The following GRID2 variants were observed in gnomAD, a reference collection of about 807,000 sequenced individuals.
GRID2 encodes glutamate receptor ionotropic, delta-2.
GRID2 carries 33 observed loss-of-function variants against 114.8 expected under a neutral mutation model. That is an observed-to-expected ratio of 0.29 (90% CI 0.22 to 0.38). The LOEUF (loss-of-function observed/expected upper bound fraction) is 0.38, where lower values mean the gene tolerates loss of function less well. GRID2 is among the 10% of genes least tolerant of loss of function. The probability of loss-of-function intolerance (pLI) is 1.00; values close to 1 mark genes in which losing one functional copy is unlikely to be tolerated. For synonymous variants in GRID2, 505 were observed against 449.9 expected (o/e 1.12, Z -1.55); for missense variants, 1,184 against 1,257.7 (o/e 0.94, Z 0.89).
intron 12 of GRID2, among the ~76,000 whole-genome samples, chr4:93,507,893 A>G (rs1489636970): frequency 1.3e-5 from 2 of 152,188 alleles, no homozygotes; most frequent in African/African-American, 2.4e-5. Flanking sequence ...TGGAGGTTCA[A>G]TGAAGCTTGC....
At chr4:93,677,117 G>A (rs1394455627) in intron 14 of GRID2, among the ~76,000 whole-genome samples, 1 of 152,200 alleles carries the variant, frequency 6.6e-6, no homozygotes, top group Non-Finnish European at 1.5e-5. Flanking sequence ...TGGCCCACCA[G>A]GAGATTATAT....
Position 93,154,862 on chromosome 4 carries a change from CCTT to C in GRID2, c.735+43915_735+43917del, listed in dbSNP as rs142032075. On this transcript the variant is annotated intron_variant, in intron 4 of 15. Transcript: ENST00000282020. ...TATTCCTTAGGAACCCATTCTCTGT[CCTT>C]CTTCTCTCACTTTATAATTATCTGT... 8.1e-3 allele frequency among the ~76,000 whole-genome samples: 1,225 copies of C among 152,050 alleles called. 3 individuals are homozygous for C. The highest frequency in any genetic ancestry group is 0.013 in the Non-Finnish European group (871 of 67,936).
chr4:92,770,410 G>GTTA (rs1418610210), intron 2 of GRID2, among the ~76,000 whole-genome samples: 2 of 152,056 alleles, frequency 1.3e-5, no homozygotes, highest in East Asian at 3.9e-4. Context: ...ACCTCTGCCT[G>GTTA]TTACCCAATT....
chr4:93,295,829 A>G (rs1425182631), intron 8 of GRID2, among the ~76,000 whole-genome samples: 1 of 152,218 alleles, frequency 6.6e-6, no homozygotes, highest in African/African-American at 2.4e-5. Flanking sequence ...CCTAGTTGAT[A>G]CATAAAACTG....
At chr4:92,369,829 A>G (rs889691979) in intron 1 of GRID2, among the ~76,000 whole-genome samples, 4 of 152,186 alleles carry the variant, frequency 2.6e-5, no homozygotes, top group Non-Finnish European at 5.9e-5. Context: ...AAATAACTAA[A>G]CAAAATATTT....
intron 2 of GRID2, among the ~76,000 whole-genome samples, chr4:92,877,889 A>G (rs1745746659): frequency 6.6e-6 from 1 of 152,156 alleles, no homozygotes. Context: ...TCCTCTGCTC[A>G]GTATATTTAC....
intron 1 of GRID2, among the ~76,000 whole-genome samples, chr4:92,468,202 A>G (rs1233056387): frequency 2.6e-5 from 4 of 152,074 alleles, no homozygotes; most frequent in Non-Finnish European, 4.4e-5. Flanking sequence ...TCAAGTGGTT[A>G]TCATGTTAAA....
At chr4:92,470,012 T>C (rs1721955288) in intron 1 of GRID2, among the ~76,000 whole-genome samples, 1 of 151,714 alleles carries the variant, frequency 6.6e-6, no homozygotes, top group Non-Finnish European at 1.5e-5. Context: ...ACATGAAATA[T>C]TTTTTGTATT....
intron 1 of GRID2, among the ~76,000 whole-genome samples, chr4:92,561,087 T>C (rs1052490380): frequency 1.3e-5 from 2 of 152,204 alleles, no homozygotes; most frequent in Non-Finnish European, 2.9e-5. Context: ...TACCTTGTGA[T>C]AGAGACAGCA....
chr4:92,484,164 A>G (rs1320028346), intron 1 of GRID2, among the ~76,000 whole-genome samples: 2 of 152,164 alleles, frequency 1.3e-5, no homozygotes, highest in Non-Finnish European at 2.9e-5. Flanking sequence ...AATAGTTGCT[A>G]TACCTAATGT....
chr4:92,422,964 ATC>A (rs1458433805), intron 1 of GRID2, among the ~76,000 whole-genome samples: 2 of 152,096 alleles, frequency 1.3e-5, no homozygotes, highest in Non-Finnish European at 2.9e-5. Context: ...GTTAGGTTAG[ATC>A]TCTTTTACTG....
At chr4:92,658,499 A>C (rs1466055549) in intron 2 of GRID2, among the ~76,000 whole-genome samples, 3 of 151,768 alleles carry the variant, frequency 2.0e-5, no homozygotes, top group African/African-American at 7.2e-5. Flanking sequence ...TGGCCCAGAC[A>C]GCATTTGTGT....
At chr4:93,300,735 G>A (rs1035763090) in intron 8 of GRID2, among the ~76,000 whole-genome samples, 6 of 152,156 alleles carry the variant, frequency 3.9e-5, no homozygotes, top group African/African-American at 1.4e-4. Flanking sequence ...TCAGCTGGGA[G>A]CATTGGCAAG....
intron 14 of GRID2, among the ~76,000 whole-genome samples, chr4:93,663,174 T>C (rs7687527): frequency 0.58 from 88,393 of 152,054 alleles, 27,633 homozygotes; most frequent in African/African-American, 0.83. Flanking sequence ...CTCTAGGCCT[T>C]GCCAATTGAG....
intron 1 of GRID2, among the ~76,000 whole-genome samples, chr4:92,549,099 G>A (rs1726438527): frequency 7.3e-6 from 1 of 137,880 alleles, no homozygotes; most frequent in Non-Finnish European, 1.5e-5. Context: ...GATGATAGGA[G>A]CTAAAGATTT....
chr4:93,659,242 A>T (rs1723276358), intron 14 of GRID2, among the ~76,000 whole-genome samples: 1 of 152,188 alleles, frequency 6.6e-6, no homozygotes, highest in Non-Finnish European at 1.5e-5. Context: ...TAAAATGTGC[A>T]CAGGTGATTC....
At chr4:93,372,332 G>C (rs1468498020) in intron 8 of GRID2, among the ~76,000 whole-genome samples, 1 of 151,540 alleles carries the variant, frequency 6.6e-6, no homozygotes, top group South Asian at 2.1e-4. Context: ...CCAGGAAAAT[G>C]TAACTACATA....
chr4:93,529,942 G>A (rs907900525), intron 13 of GRID2, among the ~76,000 whole-genome samples: 4 of 152,026 alleles, frequency 2.6e-5, no homozygotes, highest in Non-Finnish European at 1.5e-5. Context: ...GCAAGTTGAC[G>A]CTTATCTTTC....
At position 92,591,169 on chromosome 4, in the gene GRID2, G is replaced by A. The variant is rs144201042; in HGVS notation, c.244+883G>A. 1.9e-3 allele frequency among the ~76,000 whole-genome samples: 294 copies of A among 152,130 alleles called. 1 individual carries two copies. Among genetic ancestry groups the A allele is most frequent in the African/African-American group, 6.9e-3 (286 of 41,510 alleles). Reference sequence around the variant, plus strand: ...ATGAGGGCTCTGTCCTCATGGATAGGATTAGTGCCCTTATAAAACAGGCCC... The same window carrying A: ...ATGAGGGCTCTGTCCTCATGGATAGAATTAGTGCCCTTATAAAACAGGCCC... On this transcript the variant is annotated intron_variant, in intron 2 of 15. Transcript: ENST00000282020.
Sources: gnomAD v4.1 joint callset for allele counts (sites outside exome capture counted in the v4.1 genomes callset) on GRCh38, gnomAD v4.1.1 for gene constraint, MANE v1.5 for transcripts, NCBI Gene and HGNC (gene_info 2026-07-23, HGNC 2026-07-21) for gene names.